The following TPST1 variants were observed in gnomAD, a reference collection of about 807,000 sequenced individuals.
TPST1 encodes protein-tyrosine sulfotransferase 1.
A neutral mutation model predicts 34.8 loss-of-function variants in TPST1; 20 were observed. The observed-to-expected ratio is 0.57, with a 90% CI of 0.40 to 0.84. The LOEUF is 0.84. TPST1 is among the 40% of genes least tolerant of loss of function. The pLI, the probability that TPST1 is intolerant of heterozygous loss-of-function variation, is 0.00. For synonymous variants in TPST1, 152 were observed against 159.4 expected (o/e 0.95, Z 0.35); for missense variants, 353 against 455.5 (o/e 0.78, Z 2.05).
intron 1 of TPST1, among the ~76,000 whole-genome samples, chr7:66,211,482 T>C (rs1789242601): frequency 6.6e-6 from 1 of 152,214 alleles, no homozygotes; most frequent in Non-Finnish European, 1.5e-5. Context: ...CATGCCTTAT[T>C]TATCTTTTCA....
intron 2 of TPST1, among the ~76,000 whole-genome samples, chr7:66,263,128 A>AAAAAT (rs996324839): frequency 6.6e-6 from 1 of 151,926 alleles, no homozygotes; most frequent in Non-Finnish European, 1.5e-5. Context: ...AAAAAAATAA[A>AAAAAT]AAAATAAAAT....
At chr7:66,230,895 C>T (rs1277908872) in intron 1 of TPST1, among the ~76,000 whole-genome samples, 1 of 152,112 alleles carries the variant, frequency 6.6e-6, no homozygotes, top group Non-Finnish European at 1.5e-5. Context: ...TTCTCCACGT[C>T]CTCATCAGAT....
intron 3 of TPST1, among the ~76,000 whole-genome samples, chr7:66,326,142 A>C (rs530584169): frequency 6.6e-6 from 1 of 152,200 alleles, no homozygotes; most frequent in Non-Finnish European, 1.5e-5. Flanking sequence ...AACTGTAAAA[A>C]TGGAGATGAC....
At chr7:66,238,148 G>T (rs116063187) in intron 1 of TPST1, among the ~76,000 whole-genome samples, 1,577 of 152,164 alleles carry the variant, frequency 0.01, 25 homozygotes, top group African/African-American at 0.035. Context: ...CATCTAAGTG[G>T]GTCTAGGTTC....
intron 1 of TPST1, among the ~76,000 whole-genome samples, chr7:66,228,230 T>G (rs955827414): frequency 8.7e-4 from 133 of 152,360 alleles, no homozygotes; most frequent in African/African-American, 3.1e-3. Flanking sequence ...TCATGTTAAC[T>G]TTTGATTGGT....
At chr7:66,352,696 TG>T in intron 4 of TPST1, 141 bp downstream of exon 4, 1 of 1,489,860 alleles carries the variant, frequency 6.7e-7, no homozygotes, top group Admixed American at 2.9e-5. Context: ...TGATATGTGC[TG>T]GGGAAGAAAG....
chr7:66,347,065 T>C (rs1213373578), intron 3 of TPST1, among the ~76,000 whole-genome samples: 28 of 108,206 alleles, frequency 2.6e-4, no homozygotes, highest in African/African-American at 1.0e-3. Context: ...TTTTCTTTTT[T>C]TTTTTTTTTT....
At chr7:66,221,259 A>AT (rs769294680) in intron 1 of TPST1, among the ~76,000 whole-genome samples, 8 of 151,980 alleles carry the variant, frequency 5.3e-5, no homozygotes, top group East Asian at 1.9e-4. Context: ...GATTAAACTG[A>AT]TTTTTTTTCC....
intron 4 of TPST1, 123 bp from the exon 5 acceptor site, chr7:66,356,702 G>T: frequency 9.4e-7 from 1 of 1,061,014 alleles, no homozygotes; most frequent in Non-Finnish European, 1.4e-6. Flanking sequence ...CCACAGTAGT[G>T]CACTGAGTTC....
chr7:66,351,322 C>T (rs1792474171), intron 3 of TPST1, among the ~76,000 whole-genome samples: 1 of 152,134 alleles, frequency 6.6e-6, no homozygotes, highest in Non-Finnish European at 1.5e-5. Context: ...GCGTAGATCA[C>T]GTTTTTTAAT....
At chr7:66,262,808 T>C (rs776368011) in intron 2 of TPST1, among the ~76,000 whole-genome samples, 22 of 152,238 alleles carry the variant, frequency 1.4e-4, no homozygotes, top group African/African-American at 4.6e-4. Context: ...TTAAAAAATA[T>C]AATCCTTGGC....
intron 3 of TPST1, among the ~76,000 whole-genome samples, chr7:66,315,177 ACACGGTGTGGC>A (rs1319393519): frequency 6.6e-6 from 1 of 152,262 alleles, no homozygotes; most frequent in Non-Finnish European, 1.5e-5. Flanking sequence ...GAATGACTTA[ACACGGTGTGGC>A]CACAGTAAGG....
chr7:66,302,913 A>G (rs1227413585), intron 3 of TPST1, among the ~76,000 whole-genome samples: 1 of 151,748 alleles, frequency 6.6e-6, no homozygotes, highest in Non-Finnish European at 1.5e-5. Context: ...TTCCTTTTCA[A>G]CCTCATCTCT....
At chr7:66,349,114 T>G (rs1318219614) in intron 3 of TPST1, among the ~76,000 whole-genome samples, 1 of 152,114 alleles carries the variant, frequency 6.6e-6, no homozygotes, top group Non-Finnish European at 1.5e-5. Context: ...ATGCAATGAG[T>G]GTGGTTTAAT....
intron 3 of TPST1, among the ~76,000 whole-genome samples, chr7:66,323,294 A>AGG (rs1791794583): frequency 6.6e-6 from 1 of 152,182 alleles, no homozygotes; most frequent in Admixed American, 6.5e-5. Context: ...AACCCGTATC[A>AGG]GCCTTCCAAA....
intron 4 of TPST1, 90 bp downstream of exon 4, chr7:66,352,645 C>T: frequency 6.4e-7 from 1 of 1,562,662 alleles, no homozygotes; most frequent in Non-Finnish European, 8.6e-7. Context: ...ATTAAAAAGA[C>T]AGAAACAAGA....
intron 2 of TPST1, among the ~76,000 whole-genome samples, chr7:66,243,992 A>G (rs184141688): frequency 5.8e-5 from 8 of 138,540 alleles, no homozygotes; most frequent in Non-Finnish European, 1.1e-4. Context: ...TCTGTCGCCC[A>G]GGCTGGAGTG....
At chr7:66,223,054 A>G (rs1296674392) in intron 1 of TPST1, among the ~76,000 whole-genome samples, 2 of 152,168 alleles carry the variant, frequency 1.3e-5, no homozygotes, top group Admixed American at 6.5e-5. Context: ...ATTCCAGACT[A>G]GAGCCCAGGT....
At chr7:66,279,418 C>T (rs773516556) in intron 2 of TPST1, among the ~76,000 whole-genome samples, 3 of 152,040 alleles carry the variant, frequency 2.0e-5, no homozygotes, top group African/African-American at 4.8e-5. Flanking sequence ...TATAGTAGAA[C>T]GATTTATATT....
Sources: allele counts gnomAD v4.1 joint callset (sites outside exome capture counted in the v4.1 genomes callset), GRCh38; gene constraint gnomAD v4.1.1; transcripts MANE v1.5; gene names NCBI Gene and HGNC (gene_info 2026-07-23, HGNC 2026-07-21).